TAS2R1: variants seen among roughly 807,000 people sequenced by gnomAD.
The protein encoded by TAS2R1 is taste receptor type 2 member 1.
For synonymous variants in TAS2R1, 141 were observed against 134.2 expected (o/e 1.05, Z -0.35); for missense variants, 370 against 353.4 (o/e 1.05, Z -0.38).
intron 1 of TAS2R1, among the ~76,000 whole-genome samples, chr5:9,705,031 T>C (rs1741574380): frequency 6.6e-6 from 1 of 151,786 alleles, no homozygotes; most frequent in Non-Finnish European, 1.5e-5. Context: ...GGCTAATTGG[T>C]TGTTCTTCTT....
the TAS2R1 span, among the ~76,000 whole-genome samples, chr5:9,794,211 T>C: frequency 6.6e-6 from 1 of 152,218 alleles, no homozygotes; most frequent in Non-Finnish European, 1.5e-5. Flanking sequence ...TTTTAGTTGA[T>C]TCTAGACTTG....
intron 1 of TAS2R1, among the ~76,000 whole-genome samples, chr5:9,666,659 G>A (rs974734804): frequency 1.3e-5 from 2 of 151,512 alleles, no homozygotes; most frequent in Admixed American, 1.3e-4. Context: ...TGGGGGCAAA[G>A]GAAACAAAAA....
upstream of TAS2R1, among the ~76,000 whole-genome samples, chr5:9,632,527 G>C (rs1169514973): frequency 6.6e-6 from 1 of 152,180 alleles, no homozygotes; most frequent in Non-Finnish European, 1.5e-5. Context: ...TTTACCCCCA[G>C]TAGAACTTTC....
chr5:9,720,322 C>T, the TAS2R1 span, among the ~76,000 whole-genome samples: 111 of 152,212 alleles, frequency 7.3e-4, 1 homozygote, highest in Non-Finnish European at 1.2e-3. Flanking sequence ...TGGCTTTAAG[C>T]CACAGGGTGG....
intron 2 of TAS2R1, among the ~76,000 whole-genome samples, chr5:9,656,526 A>C (rs866786872): frequency 7.2e-5 from 11 of 152,220 alleles, no homozygotes; most frequent in Non-Finnish European, 7.3e-5. Context: ...CCTCAAAGAC[A>C]AGCAGGGAAA....
intron 2 of TAS2R1, among the ~76,000 whole-genome samples, chr5:9,644,300 C>T (rs1740146967): frequency 6.6e-6 from 1 of 152,096 alleles, no homozygotes; most frequent in Admixed American, 6.6e-5. Context: ...TGCAGTAGAC[C>T]AGGCAAGGCA....
the TAS2R1 span, among the ~76,000 whole-genome samples, chr5:9,893,806 G>T: frequency 1.3e-5 from 2 of 152,120 alleles, no homozygotes; most frequent in African/African-American, 4.8e-5. Context: ...CTCTGTGGGA[G>T]GAAAAAGGAG....
chr5:9,653,037 C>T (rs964750480), intron 2 of TAS2R1, among the ~76,000 whole-genome samples: 1 of 152,152 alleles, frequency 6.6e-6, no homozygotes, highest in Non-Finnish European at 1.5e-5. Flanking sequence ...CAATAACTCA[C>T]CATTTCCTAC....
At chr5:9,800,225 C>T in the TAS2R1 span, among the ~76,000 whole-genome samples, 39 of 152,242 alleles carry the variant, frequency 2.6e-4, no homozygotes, top group African/African-American at 8.7e-4. Flanking sequence ...CAGCCCCTAA[C>T]GACAAAATTA....
the TAS2R1 span, among the ~76,000 whole-genome samples, chr5:9,826,210 T>C: frequency 1.4e-4 from 22 of 152,314 alleles, no homozygotes; most frequent in African/African-American, 5.1e-4. Flanking sequence ...TTTTGTATAA[T>C]GATGCTAATA....
the TAS2R1 span, among the ~76,000 whole-genome samples, chr5:9,846,391 A>T: frequency 2.0e-5 from 3 of 152,154 alleles, no homozygotes; most frequent in East Asian, 5.8e-4. Context: ...TGTTCTACAC[A>T]CTGGACAATG....
At chr5:9,660,090 G>A (rs933343321) in intron 1 of TAS2R1, 3 of 145,456 alleles carry the variant, frequency 2.1e-5, no homozygotes, top group African/African-American at 7.9e-5. Flanking sequence ...ACAGCGTCTG[G>A]CTCTGTTGCC....
At chr5:9,890,424 T>G in the TAS2R1 span, among the ~76,000 whole-genome samples, 1 of 152,162 alleles carries the variant, frequency 6.6e-6, no homozygotes. Context: ...CTCAGGGTCT[T>G]GCAGCTTCTG....
the TAS2R1 span, among the ~76,000 whole-genome samples, chr5:9,728,970 A>T: frequency 5.9e-5 from 9 of 152,328 alleles, no homozygotes; most frequent in Middle Eastern, 3.4e-3. Context: ...TGCTGAGGAG[A>T]CAAAGCCTGA....
the TAS2R1 span, among the ~76,000 whole-genome samples, chr5:9,809,880 C>T: frequency 2.6e-5 from 4 of 152,150 alleles, no homozygotes; most frequent in East Asian, 3.8e-4. Context: ...TTTTTTAAAA[C>T]GCACCTTCTT....
At chr5:9,679,785 C>T (rs3846598) in intron 1 of TAS2R1, among the ~76,000 whole-genome samples, 18,719 of 152,154 alleles carry the variant, frequency 0.12, 1,346 homozygotes, top group Admixed American at 0.24. Flanking sequence ...TGGTAACATA[C>T]ATAAATATTT....
At chr5:9,641,851 A>C (rs1163076539) in intron 2 of TAS2R1, 1 of 152,206 alleles carries the variant, frequency 6.6e-6, no homozygotes, top group African/African-American at 2.4e-5. Context: ...TCAGATGAAA[A>C]ACGTATATGT....
chr5:9,629,931 G>T lies in TAS2R1; in HGVS notation c.102C>A (p.Asp34Glu). ...GAGCCATTTTTCTGTGCTTGATCAA[G>T]TCAATGCCATTCACCACCACAATGA... ...NGIIVVVNGIDLIKHRKMAPL... is the reference protein window; with the variant it reads ...NGIIVVVNGIELIKHRKMAPL... The change falls in exon 1 of 1, where the codon GAC becomes GAA. Residue 34 changes from aspartate (D) to glutamate (E), a missense_variant. By Grantham distance (45) the Asp-to-Glu change is conservative (BLOSUM62 2). Transcript: ENST00000382492. 6.2e-7 allele frequency: 1 copy of T among 1,613,852 alleles called. No homozygotes were observed. The highest frequency in any genetic ancestry group is 8.5e-7 in the Non-Finnish European group (1 of 1,179,978).
At chr5:9,662,452 C>T (rs1740555308) in intron 1 of TAS2R1, among the ~76,000 whole-genome samples, 1 of 152,120 alleles carries the variant, frequency 6.6e-6, no homozygotes, top group African/African-American at 2.4e-5. Context: ...AGAGAAGTGG[C>T]CTGCAGGAAA....
Sources: gnomAD v4.1 joint callset for allele counts (sites outside exome capture counted in the v4.1 genomes callset) on GRCh38, gnomAD v4.1.1 for gene constraint, MANE v1.5 for transcripts, NCBI Gene and HGNC (gene_info 2026-07-23, HGNC 2026-07-21) for gene names.